The following MBD5 variants were observed in gnomAD, a reference collection of about 807,000 sequenced individuals.
The protein encoded by MBD5 is methyl-CpG-binding domain protein 5.
In MBD5, 13 loss-of-function variants were observed where a neutral mutation model predicts 117.3. The ratio of observed to expected loss-of-function variants is 0.11; its 90% CI spans 0.07 to 0.18. MBD5 has a LOEUF of 0.18. MBD5 is among the 10% of genes least tolerant of loss of function. The probability of loss-of-function intolerance (pLI) is 1.00; values close to 1 mark genes in which losing one functional copy is unlikely to be tolerated. For synonymous variants in MBD5, 727 were observed against 766.4 expected, an observed-to-expected ratio of 0.95 and a Z score of 0.85; for missense variants, 1,879 against 2,093.8, an observed-to-expected ratio of 0.90 and a Z score of 2.00.
intron 4 of MBD5, among the ~76,000 whole-genome samples, chr2:148,417,382 C>G (rs1705456361): frequency 6.8e-6 from 1 of 147,314 alleles, no homozygotes; most frequent in South Asian, 2.2e-4. Context: ...CAAGTGATCT[C>G]CCATCCTTGG....
At position 148,425,083 on chromosome 2, in the gene MBD5, A is replaced by G. The variant is rs893120921; in HGVS notation, c.-556-33120A>G. On this transcript the variant is annotated intron_variant, in intron 4 of 13. Coordinates refer to ENST00000642680, the MANE Select transcript of MBD5 (RefSeq NM_001378120.1). ...GACGCGAAAAACCCTTCAAAAATCA[A>G]TGAATCCAGGAGCTGGTTTTTTGAA... is the stretch of plus-strand genomic sequence containing the variant. Among the ~76,000 whole-genome samples the G allele has an allele frequency of 3.9e-5, 6 of 152,290 alleles. No individual in the cohort carries two copies. The East Asian group carries it at 9.7e-4, about 25-fold the overall frequency.
At chr2:148,444,259 T>G (rs1052074087) in intron 4 of MBD5, among the ~76,000 whole-genome samples, 3 of 151,394 alleles carry the variant, frequency 2.0e-5, no homozygotes, top group Non-Finnish European at 4.4e-5. Flanking sequence ...AGGCTAATAC[T>G]TTCTCGCCCG....
At chr2:148,454,254 T>G (rs1706814685) in intron 4 of MBD5, among the ~76,000 whole-genome samples, 1 of 152,182 alleles carries the variant, frequency 6.6e-6, no homozygotes, top group Non-Finnish European at 1.5e-5. Flanking sequence ...GTGCAACTGC[T>G]TCAGAGAACA....
chr2:148,405,185 G>A (rs762009602), intron 4 of MBD5, among the ~76,000 whole-genome samples: 7 of 152,052 alleles, frequency 4.6e-5, no homozygotes, highest in Non-Finnish European at 1.0e-4. Flanking sequence ...TTCATGAAAA[G>A]GATAGAAAAA....
intron 3 of MBD5, among the ~76,000 whole-genome samples, chr2:148,301,209 C>T (rs1233447840): frequency 6.6e-6 from 1 of 152,110 alleles, no homozygotes; most frequent in East Asian, 1.9e-4. Context: ...AAAACACATT[C>T]TAGGCAGAAA....
At chr2:148,419,001 A>G (rs1252624044) in intron 4 of MBD5, among the ~76,000 whole-genome samples, 2 of 152,208 alleles carry the variant, frequency 1.3e-5, no homozygotes, top group Non-Finnish European at 2.9e-5. Context: ...TATAGTAACC[A>G]AAACAGCATG....
At chr2:148,298,881 A>T (rs1226633664) in intron 3 of MBD5, among the ~76,000 whole-genome samples, 1 of 152,148 alleles carries the variant, frequency 6.6e-6, no homozygotes, top group African/African-American at 2.4e-5. Flanking sequence ...GGCATTCTGT[A>T]GGTGATATAC....
chr2:148,294,506 T>TTTTTTTTTGGTTTTTTTTTTTTGTTTTG (rs1397412173), intron 3 of MBD5, among the ~76,000 whole-genome samples: 12 of 130,640 alleles, frequency 9.2e-5, no homozygotes, highest in Non-Finnish European at 1.3e-4. Flanking sequence ...TTACAGTTTT[T>TTTTTTTTTGGTTTTTTTTTTTTGTTTTG]TTTTTTTTTT....
At chr2:148,299,580 A>G (rs1701735976) in intron 3 of MBD5, among the ~76,000 whole-genome samples, 1 of 152,124 alleles carries the variant, frequency 6.6e-6, no homozygotes, top group Non-Finnish European at 1.5e-5. Flanking sequence ...GACCTTCTGG[A>G]TCTATTGCTT....
intron 1 of MBD5, chr2:148,041,480 C>T (rs1352121598): frequency 6.6e-6 from 1 of 152,152 alleles, no homozygotes; most frequent in Non-Finnish European, 1.5e-5. Flanking sequence ...TTAAAAGTAG[C>T]AGATTGTATA....
At chr2:148,043,600 A>G (rs1265796465) in intron 1 of MBD5, among the ~76,000 whole-genome samples, 1 of 152,076 alleles carries the variant, frequency 6.6e-6, no homozygotes, top group Non-Finnish European at 1.5e-5. Flanking sequence ...AGCTTTATGG[A>G]TTACACCAGT....
chr2:148,490,428 A>G lies in MBD5; in HGVS notation c.4796A>G (p.Asn1599Ser). The G allele has an allele frequency of 6.2e-7, 1 of 1,614,130 alleles. No homozygotes were observed. Among genetic ancestry groups the G allele is most frequent in the Non-Finnish European group, 8.5e-7 (1 of 1,180,026 alleles). The change falls in exon 11 of 14, where the codon AAC (asparagine) becomes AGC (serine). Residue 1599 changes from asparagine to serine, a missense_variant. Transcript: ENST00000642680. ...ATTAGTAGTGAAGATGACCTAAGGAACCCAGACTCCCCCTCTTCAAATGAA... is the reference window on the plus strand; with the variant it reads ...ATTAGTAGTGAAGATGACCTAAGGAGCCCAGACTCCCCCTCTTCAAATGAA... The part of the protein sequence containing the change: ...KSISSEDDLR[N>S]PDSPSSNELI...
chr2:148,185,232 G>C (rs1373314228), intron 2 of MBD5, among the ~76,000 whole-genome samples: 3 of 152,192 alleles, frequency 2.0e-5, no homozygotes, highest in African/African-American at 7.2e-5. Flanking sequence ...CCACCAGCCA[G>C]CACACTTACC....
intron 2 of MBD5, among the ~76,000 whole-genome samples, chr2:148,231,425 G>T (rs758985859): frequency 5.3e-5 from 8 of 152,142 alleles, no homozygotes; most frequent in Non-Finnish European, 8.8e-5. Flanking sequence ...CTGCTGCTGC[G>T]GGAGAGGTGG....
At chr2:148,421,987 G>A (rs1420997673) in intron 4 of MBD5, among the ~76,000 whole-genome samples, 2 of 152,210 alleles carry the variant, frequency 1.3e-5, no homozygotes, top group Non-Finnish European at 2.9e-5. Context: ...CTGGGGGAAG[G>A]GGCAGTTGTG....
At chr2:148,426,418 T>C (rs1487908192) in intron 4 of MBD5, among the ~76,000 whole-genome samples, 3 of 151,878 alleles carry the variant, frequency 2.0e-5, no homozygotes, top group Non-Finnish European at 2.9e-5. Flanking sequence ...AAGGCTACAG[T>C]AACCAAAACA....
intron 1 of MBD5, among the ~76,000 whole-genome samples, chr2:148,102,147 A>G (rs1696232193): frequency 6.6e-6 from 1 of 152,180 alleles, no homozygotes; most frequent in African/African-American, 2.4e-5. Flanking sequence ...TCCTGCCTCA[A>G]AATACTGTAA....
At chr2:148,400,997 G>T (rs1234177347) in intron 4 of MBD5, among the ~76,000 whole-genome samples, 2 of 152,150 alleles carry the variant, frequency 1.3e-5, no homozygotes, top group Non-Finnish European at 2.9e-5. Flanking sequence ...TCTGTGGATG[G>T]TTGTTTAGTC....
chr2:148,502,112 T>G (rs1681890357), intron 11 of MBD5, among the ~76,000 whole-genome samples: 1 of 152,222 alleles, frequency 6.6e-6, no homozygotes, highest in Non-Finnish European at 1.5e-5. Context: ...TTGCAGTTGC[T>G]AAGAAAGTGA....
Sources: gnomAD v4.1 joint callset for allele counts (sites outside exome capture counted in the v4.1 genomes callset) on GRCh38, gnomAD v4.1.1 for gene constraint, MANE v1.5 for transcripts, NCBI Gene and HGNC (gene_info 2026-07-23, HGNC 2026-07-21) for gene names.